The following GLB1L2 variants were observed in gnomAD, a reference collection of about 807,000 sequenced individuals.
GLB1L2 encodes the protein galactosidase beta 1 like 2, also known as beta-galactosidase-1-like protein 2.
GLB1L2 carries 68 observed loss-of-function variants against 84.1 expected under a neutral mutation model. The observed-to-expected ratio is 0.81, with a 90% confidence interval of 0.67 to 0.99. The LOEUF is 0.99. GLB1L2 is among the 50% of genes least tolerant of loss of function. The pLI is 0.00. For missense variants in GLB1L2, 762 were observed against 805.6 expected (o/e 0.95, Z 0.66); for synonymous variants, 290 against 318.0 (o/e 0.91, Z 0.94).
At chr11:134,332,266 GC>G (rs1326235361) in intron 1 of GLB1L2, 119 bp downstream of exon 1, 5 of 658,298 alleles carry the variant, frequency 7.6e-6, no homozygotes, top group Non-Finnish European at 1.3e-5. Flanking sequence ...AGCCCCAGCT[GC>G]TTCTTTCTGG....
chr11:134,374,509 T>C, intron 17 of GLB1L2, 93 bp from the exon 18 acceptor site: 1 of 1,009,900 alleles, frequency 9.9e-7, no homozygotes. Context: ...CTCGCTTTGG[T>C]CTCCTGGACC....
intron 3 of GLB1L2, among the ~76,000 whole-genome samples, chr11:134,344,737 C>T (rs1329882486): frequency 9.9e-4 from 150 of 150,978 alleles, no homozygotes; most frequent in Non-Finnish European, 7.6e-4. Context: ...GGCCGCTGGG[C>T]TGGGGCAGGG....
At chr11:134,366,967 G>C in intron 8 of GLB1L2, 1 of 424,316 alleles carries the variant, frequency 2.4e-6, no homozygotes, top group East Asian at 5.0e-5. Flanking sequence ...TCCTGGACCA[G>C]TGTCTTCTTG....
chr11:134,370,264 TG>T lies in GLB1L2; in HGVS notation c.1109-24del, dbSNP rs1446776669. The T allele has an allele frequency of 6.3e-7, 1 of 1,592,902 alleles. No individual in the cohort carries two copies. Among genetic ancestry groups the T allele is most frequent in the Non-Finnish European group, 8.6e-7 (1 of 1,161,028 alleles). ...AGCAGGCAGTGACATTTGGGTCCGT[TG>T]GGGGTGACCCTGTTTTCTGTGTTGC... On this transcript the variant is annotated intron_variant, in intron 11 of 18. Transcript: ENST00000535456. The surrounding 1 kb of genome is among the most constrained non-coding windows in gnomAD (Gnocchi z 4.7).
At chr11:134,352,278 C>T (rs796248839) in intron 5 of GLB1L2, among the ~76,000 whole-genome samples, 9 of 152,148 alleles carry the variant, frequency 5.9e-5, no homozygotes, top group African/African-American at 1.9e-4. Flanking sequence ...GTTTTTATTT[C>T]TGTAAAATCA....
At chr11:134,337,484 G>A (rs1435011709) in intron 1 of GLB1L2, among the ~76,000 whole-genome samples, 2 of 152,180 alleles carry the variant, frequency 1.3e-5, no homozygotes, top group African/African-American at 4.8e-5. Context: ...AGGCATTAAG[G>A]GCACCATCTG....
Position 134,338,121 on chromosome 11 carries a change from T to C in GLB1L2, c.87-4633T>C, listed in dbSNP as rs563339208. ...CCACCGGCGGTCATCGTACTCCGGA[T>C]GTTCACGGCACTCCGGATGTTCTGC... On this transcript the variant is annotated intron_variant, in intron 1 of 18. Transcript: ENST00000535456. This position sits in a 1 kb window ranked among gnomAD's most constrained non-coding sequence, Gnocchi z 6.2. Among the ~76,000 whole-genome samples, 2 of 148,146 alleles carry C rather than the reference T, an allele frequency of 1.4e-5. No homozygotes were observed. Among genetic ancestry groups the C allele is most frequent in the Admixed American group, 1.3e-4 (2 of 15,090 alleles).
intron 5 of GLB1L2, among the ~76,000 whole-genome samples, chr11:134,352,797 G>A (rs757306409): frequency 3.3e-5 from 5 of 151,940 alleles, no homozygotes; most frequent in Non-Finnish European, 7.4e-5. Context: ...ACAGGTGCCC[G>A]TGACCACGCC....
intron 8 of GLB1L2, 91 bp from the exon 9 acceptor site, chr11:134,367,166 G>T: frequency 9.3e-7 from 1 of 1,071,728 alleles, no homozygotes. Flanking sequence ...GAGTAGAGAG[G>T]GCAGAGATCC....
At chr11:134,342,061 A>G (rs147174851) in intron 1 of GLB1L2, among the ~76,000 whole-genome samples, 194 of 151,292 alleles carry the variant, frequency 1.3e-3, no homozygotes, top group African/African-American at 4.4e-3. Flanking sequence ...AGCTTCTCGC[A>G]CGGCTTTCGG....
chr11:134,351,524 C>T (rs1184924192), intron 5 of GLB1L2, among the ~76,000 whole-genome samples: 5 of 151,776 alleles, frequency 3.3e-5, no homozygotes, highest in Non-Finnish European at 7.4e-5. Flanking sequence ...TTTGTATTTT[C>T]AGTAGAGATG....
At chr11:134,347,237 G>A (rs1456496741) in intron 4 of GLB1L2, 88 bp from the exon 5 acceptor site, 9 of 925,520 alleles carry the variant, frequency 9.7e-6, no homozygotes, top group South Asian at 5.3e-5. Flanking sequence ...GCACTGGGGG[G>A]CCTCTCCCTT....
intron 9 of GLB1L2, 94 bp downstream of exon 9, chr11:134,367,435 G>T: frequency 9.9e-7 from 1 of 1,009,866 alleles, no homozygotes; most frequent in Non-Finnish European, 1.5e-6. Context: ...GCCATAGGGG[G>T]TGCAAGGCTG....
intron 2 of GLB1L2, among the ~76,000 whole-genome samples, 168 bp from the exon 3 acceptor site, chr11:134,344,219 C>G (rs867852638): frequency 6.6e-6 from 1 of 152,190 alleles, no homozygotes; most frequent in African/African-American, 2.4e-5. Context: ...GGCTTGCCCT[C>G]GATTCTGGTC....
At chr11:134,358,022 T>G (rs990077248) in intron 6 of GLB1L2, among the ~76,000 whole-genome samples, 1 of 152,178 alleles carries the variant, frequency 6.6e-6, no homozygotes, top group Non-Finnish European at 1.5e-5. Flanking sequence ...GGCTCATGGA[T>G]TGAACTCTGC....
rs190239347 is a variant in GLB1L2, at chr11:134,364,591, A to C, written c.804+193A>C. On this transcript the variant is annotated intron_variant, in intron 8 of 18. Coordinates refer to ENST00000535456, the MANE Select transcript of GLB1L2 (RefSeq NM_001370461.1). ...GAAACACCTCTGAGGGCTGCTGTGT[A>C]GGCTGATGCAGTGTGGACATCACCC... 1.1e-3 allele frequency: 649 copies of C among 579,748 alleles called. 3 individuals are homozygous for C. Among genetic ancestry groups the C allele is most frequent in the Middle Eastern group, 5.0e-3 (11 of 2,180 alleles). 35.9% of individuals were successfully genotyped at this position (579,748 alleles called of 1,614,324 possible). A position where few individuals can be genotyped will look rare whatever the true frequency, so the allele number is the denominator to read the frequency against.
At chr11:134,350,054 T>C (rs1208458402) in intron 5 of GLB1L2, among the ~76,000 whole-genome samples, 3 of 152,194 alleles carry the variant, frequency 2.0e-5, no homozygotes, top group Non-Finnish European at 4.4e-5. Flanking sequence ...GGAGCCACTT[T>C]CGTTGCTGTG....
rs556894114 is a variant in GLB1L2 at position 134,365,340 on chromosome 11, G to A, written c.804+942G>A. Among the ~76,000 whole-genome samples, 229 of 152,322 alleles carry A rather than the reference G, an allele frequency of 1.5e-3. 2 individuals carry two copies. The highest frequency in any genetic ancestry group is 4.4e-3 in the Admixed American group (68 of 15,312). ...GGCTCCTGTGACGCAGATCAGGCGCGATCCAGCTGGGTCTCTGCCTTCCTT... is the reference window on the plus strand; with the variant it reads ...GGCTCCTGTGACGCAGATCAGGCGCAATCCAGCTGGGTCTCTGCCTTCCTT... On this transcript the variant is annotated intron_variant, in intron 8 of 18. Transcript: ENST00000535456.
chr11:134,369,792 C>T lies in GLB1L2; in HGVS notation c.1028-13C>T, dbSNP rs201805419. 363 of 1,606,278 alleles carry T rather than the reference C, an allele frequency of 2.3e-4. No homozygotes were observed. The highest frequency in any genetic ancestry group is 3.2e-4 in the Admixed American group (19 of 59,832). The stretch of plus-strand genomic sequence containing the variant: ...GGACAGGAATGACCATGACAGGGCC[C>T]GGTGTCTTGCAGACTATGATGCTGT... On this transcript the variant is annotated splice_polypyrimidine_tract_variant and intron_variant, in intron 10 of 18. Coordinates refer to ENST00000535456, the MANE Select transcript of GLB1L2 (RefSeq NM_001370461.1).
Sources: allele counts gnomAD v4.1 joint callset (sites outside exome capture counted in the v4.1 genomes callset), GRCh38; gene constraint gnomAD v4.1.1; non-coding constraint Gnocchi (gnomAD v3.1); transcripts MANE v1.5; gene names NCBI Gene and HGNC (gene_info 2026-07-23, HGNC 2026-07-21).